The following DSCAM variants were observed in gnomAD, a reference collection of about 807,000 sequenced individuals.
The protein encoded by DSCAM is DS cell adhesion molecule, also known as cell adhesion molecule DSCAM.
A neutral mutation model predicts 217.7 loss-of-function variants in DSCAM; 47 were observed. The observed-to-expected ratio is 0.22, with a 90% CI of 0.17 to 0.28. The LOEUF (loss-of-function observed/expected upper bound fraction) is 0.28, where lower values mean the gene tolerates loss of function less well. DSCAM is among the 10% of genes least tolerant of loss of function. The pLI is 1.00. For synonymous variants in DSCAM, 1,056 were observed against 1,015.3 expected, an observed-to-expected ratio of 1.04 and a Z score of -0.76; for missense variants, 2,080 against 2,618.3, an observed-to-expected ratio of 0.79 and a Z score of 4.49.
At chr21:40,551,423 A>C (rs1229731599) in intron 3 of DSCAM, among the ~76,000 whole-genome samples, 1 of 152,208 alleles carries the variant, frequency 6.6e-6, no homozygotes, top group Admixed American at 6.5e-5. Context: ...GGGGTTGTGG[A>C]GACTGAGGTT....
At chr21:40,135,243 T>C (rs1023413682) in intron 18 of DSCAM, among the ~76,000 whole-genome samples, 1 of 152,202 alleles carries the variant, frequency 6.6e-6, no homozygotes, top group African/African-American at 2.4e-5. Flanking sequence ...ACAGCTCTGA[T>C]TTGGCAGACC....
chr21:40,286,833 T>C (rs1012936434), intron 10 of DSCAM, among the ~76,000 whole-genome samples: 14 of 2,190 alleles, frequency 6.4e-3, no homozygotes, highest in Non-Finnish European at 0.011. Context: ...TGGTGTGATC[T>C]GCAGTATGAT....
At chr21:40,231,382 A>G (rs182801881) in intron 11 of DSCAM, among the ~76,000 whole-genome samples, 1 of 151,904 alleles carries the variant, frequency 6.6e-6, no homozygotes, top group South Asian at 2.1e-4. Context: ...AGGTAAGCCA[A>G]TCTCTGTTGT....
intron 1 of DSCAM, among the ~76,000 whole-genome samples, chr21:40,836,657 T>G (rs908512067): frequency 2.0e-5 from 3 of 152,228 alleles, no homozygotes; most frequent in Non-Finnish European, 4.4e-5. Context: ...GGTAGCTTCT[T>G]TGCAAGTGTG....
intron 1 of DSCAM, among the ~76,000 whole-genome samples, chr21:40,763,939 T>G (rs1415093474): frequency 1.3e-5 from 2 of 152,128 alleles, no homozygotes; most frequent in Admixed American, 6.5e-5. Context: ...TATATAAAAA[T>G]TAACTCAAGA....
chr21:40,736,927 GAAT>G (rs1355214230), intron 1 of DSCAM, among the ~76,000 whole-genome samples: 1 of 151,970 alleles, frequency 6.6e-6, no homozygotes, highest in African/African-American at 2.4e-5. Context: ...TAGTTTTATG[GAAT>G]ATTATGGATC....
chr21:40,693,085 T>A (rs2090555995), intron 2 of DSCAM, 129 bp from the exon 3 acceptor site: 3 of 1,069,836 alleles, frequency 2.8e-6, no homozygotes, highest in Non-Finnish European at 3.9e-6. Context: ...GGAAAACAGT[T>A]AAGATGCCTA....
At chr21:40,726,890 G>C (rs1288743446) in intron 1 of DSCAM, among the ~76,000 whole-genome samples, 1 of 152,120 alleles carries the variant, frequency 6.6e-6, no homozygotes, top group African/African-American at 2.4e-5. Flanking sequence ...TGTCATGGAA[G>C]TGGGACTGGT....
chr21:40,047,179 GAC>G (rs1191753273), intron 30 of DSCAM, among the ~76,000 whole-genome samples: 2 of 152,148 alleles, frequency 1.3e-5, no homozygotes, highest in African/African-American at 4.8e-5. Flanking sequence ...TGGGGTATTT[GAC>G]ACATTTATTT....
chr21:40,148,700 A>G (rs73225228), intron 16 of DSCAM, among the ~76,000 whole-genome samples: 6,854 of 151,984 alleles, frequency 0.045, 207 homozygotes, highest in African/African-American at 0.08. Flanking sequence ...GGTCCCCCAC[A>G]CAGCCAAGCC....
intron 1 of DSCAM, among the ~76,000 whole-genome samples, chr21:40,756,836 G>A (rs1206744261): frequency 6.6e-6 from 1 of 152,152 alleles, no homozygotes; most frequent in Admixed American, 6.5e-5. Flanking sequence ...CTGAGGCACA[G>A]AAAGGTTGGT....
At chr21:40,079,195 C>T (rs57939312) in intron 25 of DSCAM, among the ~76,000 whole-genome samples, 23,327 of 152,144 alleles carry the variant, frequency 0.15, 2,526 homozygotes, top group African/African-American at 0.32. Context: ...CAGAAAATTG[C>T]ATGGGTGGAG....
intron 1 of DSCAM, among the ~76,000 whole-genome samples, chr21:40,842,691 A>C (rs1249234898): frequency 6.6e-6 from 1 of 152,108 alleles, no homozygotes; most frequent in East Asian, 1.9e-4. Context: ...CTTGCCAGCT[A>C]CCCGGAGGTC....
intron 16 of DSCAM, among the ~76,000 whole-genome samples, chr21:40,166,500 A>T (rs976119034): frequency 3.9e-5 from 6 of 152,220 alleles, no homozygotes; most frequent in Non-Finnish European, 7.3e-5. Context: ...AAGGCCATGG[A>T]ACAGTGGTGG....
At chr21:40,155,184 A>G (rs887701377) in intron 16 of DSCAM, among the ~76,000 whole-genome samples, 7 of 152,174 alleles carry the variant, frequency 4.6e-5, no homozygotes, top group African/African-American at 1.4e-4. Flanking sequence ...CCTACCAGCC[A>G]CAGAGGCCTA....
intron 1 of DSCAM, among the ~76,000 whole-genome samples, chr21:40,755,626 A>C (rs1332308730): frequency 6.6e-6 from 1 of 152,086 alleles, no homozygotes; most frequent in Non-Finnish European, 1.5e-5. Context: ...GCAGAGTGAA[A>C]ATGCTGCAAT....
intron 11 of DSCAM, among the ~76,000 whole-genome samples, chr21:40,260,946 A>G (rs1166444272): frequency 1.3e-5 from 2 of 152,246 alleles, no homozygotes; most frequent in African/African-American, 2.4e-5. Context: ...TCTGTTATTG[A>G]AGATAAACAA....
intron 10 of DSCAM, among the ~76,000 whole-genome samples, chr21:40,279,403 T>A (rs190368952): frequency 5.9e-5 from 9 of 152,274 alleles, no homozygotes; most frequent in South Asian, 2.1e-4. Flanking sequence ...ATTAGAGAAA[T>A]GCAAATCAAA....
chr21:40,413,675 G>A (rs2123800319), intron 3 of DSCAM, among the ~76,000 whole-genome samples: 1 of 152,308 alleles, frequency 6.6e-6, no homozygotes, highest in South Asian at 2.1e-4. Context: ...TAAGAACAAA[G>A]TGAAAGGATT....
Sources: allele counts gnomAD v4.1 joint callset (sites outside exome capture counted in the v4.1 genomes callset), GRCh38; gene constraint gnomAD v4.1.1; transcripts MANE v1.5; gene names NCBI Gene and HGNC (gene_info 2026-07-23, HGNC 2026-07-21).